Variants in TTC28 observed in about 807,000 individuals in gnomAD.
TTC28 encodes the protein tetratricopeptide repeat domain 28.
TTC28 carries 61 observed loss-of-function variants against 198.0 expected under a neutral mutation model. That is an observed-to-expected ratio of 0.31 (90% CI 0.25 to 0.38). The LOEUF (loss-of-function observed/expected upper bound fraction) is 0.38, where lower values mean the gene tolerates loss of function less well. TTC28 is among the 10% of genes least tolerant of loss of function. The pLI, the probability that TTC28 is intolerant of heterozygous loss-of-function variation, is 1.00. For synonymous variants in TTC28, 1,171 were observed against 1,297.8 expected, an observed-to-expected ratio of 0.90 and a Z score of 2.10; for missense variants, 2,678 against 3,164.0, an observed-to-expected ratio of 0.85 and a Z score of 3.69.
chr22:28,411,888 T>G (rs1197065942), intron 2 of TTC28, among the ~76,000 whole-genome samples: 2 of 152,358 alleles, frequency 1.3e-5, no homozygotes, highest in Non-Finnish European at 2.9e-5. Flanking sequence ...TCGAGGATCC[T>G]GCTCTCCAGA....
At chr22:28,007,864 C>T (rs907702795) in intron 14 of TTC28, 2 of 152,232 alleles carry the variant, frequency 1.3e-5, no homozygotes, top group African/African-American at 4.8e-5. Flanking sequence ...GTCATACAGA[C>T]AGTTTGCAAG....
intron 2 of TTC28, among the ~76,000 whole-genome samples, chr22:28,620,069 C>T (rs7289534): frequency 0.14 from 20,744 of 152,156 alleles, 1,663 homozygotes; most frequent in African/African-American, 0.2. Context: ...TAGCCAACAT[C>T]GGCCGGGCAC....
intron 12 of TTC28, among the ~76,000 whole-genome samples, chr22:28,033,762 T>A (rs1008606844): frequency 6.6e-6 from 1 of 152,184 alleles, no homozygotes; most frequent in Admixed American, 6.5e-5. Context: ...GAAAGTAAGA[T>A]AAGCTTTGGT....
chr22:27,989,896 C>G lies in TTC28; in HGVS notation c.5689G>C (p.Glu1897Gln). 6.4e-7 allele frequency: 1 copy of G among 1,551,032 alleles called. No individual in the cohort carries two copies. The highest frequency in any genetic ancestry group is 8.7e-7 in the Non-Finnish European group (1 of 1,146,656). Reference protein sequence around the residue: ...VQLWRLPGCHEFLAALGFDLC... With the variant: ...VQLWRLPGCHQFLAALGFDLC... ...TGCCTACCTAGAGCTGCCAGGAACT[C>G]GTGGCATCCCGGGAGCCGCCACAGC... Residue 1897 changes from glutamate to glutamine, a missense_variant, in exon 21 of 23, where the codon GAG (glutamate) becomes CAG (glutamine). Around this residue, in one of 8 missense-constraint regions of TTC28, gnomAD observed 314 missense variants for 442.7 expected, o/e 0.71. Coordinates refer to ENST00000397906, the MANE Select transcript of TTC28 (RefSeq NM_001145418.2).
At chr22:28,090,599 G>T (rs1236156248) in intron 12 of TTC28, among the ~76,000 whole-genome samples, 2 of 152,024 alleles carry the variant, frequency 1.3e-5, no homozygotes, top group African/African-American at 4.8e-5. Context: ...CATGTAAAAA[G>T]ATTTTTTATA....
rs866148967 is a variant in TTC28, at chr22:27,982,322, C to T, written c.7345G>A (p.Gly2449Ser). Residue 2449 changes from glycine (G) to serine (S), a missense_variant, in exon 23 of 23, where the codon GGC (glycine) becomes AGC (serine). By Grantham distance (56) the Gly-to-Ser change is moderately conservative. Transcript: ENST00000397906. The surrounding 1 kb of genome is among the most constrained non-coding windows in gnomAD (Gnocchi z 5.2). ...TSLGSLPLPA[G>S]PPATAPARPL... is the part of the protein sequence containing the mutation. ...CGCGCGGGGGCTGTGGCGGGAGGGC[C>T]GGCGGGCAGCGGCAGTGAGCCCAGC... 17 of 1,526,190 alleles carry T rather than the reference C, an allele frequency of 1.1e-5. No individual in the cohort carries two copies. The highest frequency in any genetic ancestry group is 1.7e-4 in the Middle Eastern group (1 of 5,810). 94.5% of individuals were successfully genotyped at this position (1,526,190 alleles called of 1,614,324 possible).
intron 2 of TTC28, among the ~76,000 whole-genome samples, chr22:28,507,887 T>G (rs911534628): frequency 2.6e-5 from 4 of 152,110 alleles, no homozygotes; most frequent in African/African-American, 9.7e-5. Context: ...CAGGCCTGCC[T>G]TGCAAGAGCT....
chr22:28,070,454 G>A (rs1940923074), intron 12 of TTC28, among the ~76,000 whole-genome samples: 1 of 152,094 alleles, frequency 6.6e-6, no homozygotes. Flanking sequence ...AATTTCTGTA[G>A]AGAACAGGGA....
At chr22:28,468,814 G>A (rs1320917684) in intron 2 of TTC28, among the ~76,000 whole-genome samples, 1 of 150,876 alleles carries the variant, frequency 6.6e-6, no homozygotes, top group Admixed American at 6.7e-5. Context: ...TGCGATTACA[G>A]GCATGAGCCA....
chr22:28,293,411 T>C (rs1422414698), intron 5 of TTC28, among the ~76,000 whole-genome samples: 1 of 152,002 alleles, frequency 6.6e-6, no homozygotes, highest in East Asian at 1.9e-4. Flanking sequence ...ATATGGAGTC[T>C]AAAATAGCTG....
intron 2 of TTC28, among the ~76,000 whole-genome samples, chr22:28,579,069 T>A (rs1337986484): frequency 6.6e-6 from 1 of 151,790 alleles, no homozygotes; most frequent in Non-Finnish European, 1.5e-5. Context: ...TAGTTACGTG[T>A]ATATAGCTAT....
chr22:28,171,252 C>T (rs1601424398), intron 5 of TTC28, among the ~76,000 whole-genome samples: 2 of 152,102 alleles, frequency 1.3e-5, no homozygotes, highest in Admixed American at 1.3e-4. Context: ...GGAAGCTTGC[C>T]TACCCTTTCT....
chr22:28,284,327 T>C (rs978492812), intron 5 of TTC28, among the ~76,000 whole-genome samples: 3 of 152,136 alleles, frequency 2.0e-5, no homozygotes, highest in African/African-American at 7.2e-5. Flanking sequence ...TGGGAAGTGC[T>C]GTAACTAAGG....
chr22:28,306,384 C>A (rs2045146610), intron 3 of TTC28, 112 bp downstream of exon 3: 1 of 1,274,262 alleles, frequency 7.8e-7, no homozygotes, highest in Non-Finnish European at 1.1e-6. Context: ...AATATCAAAT[C>A]TTAGCAAATT....
intron 14 of TTC28, chr22:28,001,870 C>G (rs1316009539): frequency 3.3e-6 from 1 of 307,240 alleles, no homozygotes; most frequent in African/African-American, 2.0e-5. Context: ...CGCACAGGCA[C>G]CCTGAGAAGG....
At chr22:28,355,674 G>C in intron 2 of TTC28, among the ~76,000 whole-genome samples, 1 of 152,100 alleles carries the variant, frequency 6.6e-6, no homozygotes, top group East Asian at 1.9e-4. Context: ...ATTCCTCAAG[G>C]AATCAAAGAA....
chr22:28,236,346 T>G (rs141085476), intron 5 of TTC28, among the ~76,000 whole-genome samples: 18 of 152,302 alleles, frequency 1.2e-4, no homozygotes, highest in African/African-American at 4.3e-4. Flanking sequence ...TCCTGTAACA[T>G]GTATAGTGAA....
In TTC28 at chr22:27,992,609, G is replaced by T; in HGVS notation, c.5531C>A (p.Thr1844Lys). The change falls in exon 19 of 23, where the codon ACG (threonine) becomes AAG (lysine). Residue 1844 changes from threonine (T) to lysine (K), a missense_variant. Physicochemically the swap from Thr to Lys is moderately conservative, Grantham distance 78. Transcript: ENST00000397906. ...ALCKLITASE[T>K]GEQLISRAVK... ...TACCCGGCTGATGAGCTGCTCGCCC[G>T]TCTCGGAGGCAGTGATGAGTTTGCA... 2 of 1,551,630 alleles carry T rather than the reference G, an allele frequency of 1.3e-6. No homozygotes were observed. Among genetic ancestry groups the T allele is most frequent in the Non-Finnish European group, 8.7e-7 (1 of 1,146,984 alleles).
intron 6 of TTC28, among the ~76,000 whole-genome samples, chr22:28,108,845 A>G (rs1000141692): frequency 1.3e-5 from 2 of 152,238 alleles, no homozygotes; most frequent in African/African-American, 2.4e-5. Flanking sequence ...AGTAACCACA[A>G]GGGAAAATGC....
Sources: gnomAD v4.1 joint callset for allele counts (sites outside exome capture counted in the v4.1 genomes callset) on GRCh38, gnomAD v4.1.1 for gene constraint, gnomAD v4.1.1 regional missense constraint, Gnocchi (gnomAD v3.1) non-coding constraint, MANE v1.5 for transcripts, NCBI Gene and HGNC (gene_info 2026-07-23, HGNC 2026-07-21) for gene names.